Variants in GPR39 observed in about 807,000 individuals in gnomAD.
GPR39 encodes zinc sensing receptor.
GPR39 carries 23 observed loss-of-function variants against 18.4 expected under a neutral mutation model. The ratio of observed to expected loss-of-function variants is 1.25; its 90% CI spans 0.90 to 1.77. The LOEUF is 1.77. Ranked by LOEUF, GPR39 falls within the 40% of genes most tolerant of loss-of-function variation. The pLI, the probability that GPR39 is intolerant of heterozygous loss-of-function variation, is 0.00. For missense variants in GPR39, 647 were observed against 602.4 expected (o/e 1.07, Z -0.78); for synonymous variants, 280 against 257.9 (o/e 1.09, Z -0.82).
At chr2:132,492,933 T>A (rs999952303) in intron 1 of GPR39, among the ~76,000 whole-genome samples, 1 of 143,354 alleles carries the variant, frequency 7.0e-6, no homozygotes, top group African/African-American at 2.5e-5. Flanking sequence ...ATATACACCA[T>A]ATATACACAC....
At chr2:132,469,147 T>A (rs1485129345) in intron 1 of GPR39, among the ~76,000 whole-genome samples, 2 of 152,214 alleles carry the variant, frequency 1.3e-5, no homozygotes, top group African/African-American at 4.8e-5. Context: ...TTCCCTTGGG[T>A]GGAGCCTCCT....
At chr2:132,445,431 A>G (rs748551168) in intron 1 of GPR39, among the ~76,000 whole-genome samples, 3 of 152,190 alleles carry the variant, frequency 2.0e-5, no homozygotes, top group East Asian at 1.9e-4. Context: ...TATTTCCATG[A>G]TGCAAGCAAG....
At chr2:132,471,188 G>C (rs1325768272) in intron 1 of GPR39, among the ~76,000 whole-genome samples, 2 of 152,078 alleles carry the variant, frequency 1.3e-5, no homozygotes, top group East Asian at 3.9e-4. Flanking sequence ...AGCCTCACAA[G>C]AAAATATAGC....
At chr2:132,534,342 G>A (rs1363310461) in intron 1 of GPR39, among the ~76,000 whole-genome samples, 1 of 150,630 alleles carries the variant, frequency 6.6e-6, no homozygotes, top group African/African-American at 2.4e-5. Context: ...GGAAACAACA[G>A]GTGCTGGAGA....
chr2:132,526,101 A>C (rs1226483007), intron 1 of GPR39, among the ~76,000 whole-genome samples: 1 of 152,208 alleles, frequency 6.6e-6, no homozygotes, highest in Non-Finnish European at 1.5e-5. Flanking sequence ...GACCAACCTG[A>C]TATGAGGCTA....
At position 132,492,615 on chromosome 2, in the gene GPR39, T is replaced by C. The variant is rs1026232992; in HGVS notation, c.856+74717T>C. ...ATATATACCATATATACACACCATC[T>C]ATATATACAATATATATACACACCA... On this transcript the variant is annotated intron_variant, in intron 1 of 1. Transcript: ENST00000329321. 2.1e-4 allele frequency among the ~76,000 whole-genome samples: 21 copies of C among 100,622 alleles called. 1 individual carries two copies. Among genetic ancestry groups the C allele is most frequent in the African/African-American group, 6.5e-4 (21 of 32,436 alleles). 66.0% of individuals were successfully genotyped at this position (100,622 alleles called of 152,430 possible). A position where few individuals can be genotyped will look rare whatever the true frequency, so the allele number is the denominator to read the frequency against.
At position 132,579,514 on chromosome 2, in the gene GPR39, T is replaced by C. The variant is rs139199097; in HGVS notation, c.857-65587T>C. On this transcript the variant is annotated intron_variant, in intron 1 of 1. Coordinates refer to ENST00000329321, the MANE Select transcript of GPR39 (RefSeq NM_001508.3). ...TTCAGTTCTTTTACATTCTTGCTGA[T>C]GTTATGACTAGTTCTACTAATTGCT... Among the ~76,000 whole-genome samples the C allele has an allele frequency of 1.4e-3, 212 of 152,240 alleles. 5 individuals carry two copies. In the East Asian group the frequency reaches 0.038, roughly 27 times the overall value.
intron 1 of GPR39, among the ~76,000 whole-genome samples, chr2:132,636,428 G>A (rs1028117936): frequency 2.6e-5 from 4 of 152,158 alleles, no homozygotes; most frequent in Admixed American, 2.0e-4. Context: ...GAGACAGTGG[G>A]GAAGCAGGGT....
At chr2:132,421,769 C>T (rs1680013529) in intron 1 of GPR39, among the ~76,000 whole-genome samples, 1 of 152,088 alleles carries the variant, frequency 6.6e-6, no homozygotes, top group South Asian at 2.1e-4. Flanking sequence ...AGAATCACAT[C>T]CTCTGGGTTT....
intron 1 of GPR39, among the ~76,000 whole-genome samples, chr2:132,460,755 T>C (rs1048001714): frequency 3.3e-5 from 5 of 152,196 alleles, no homozygotes; most frequent in Non-Finnish European, 4.4e-5. Context: ...TTCCTGTTTC[T>C]GAAATTCTAG....
At chr2:132,499,603 A>G (rs1438557757) in intron 1 of GPR39, among the ~76,000 whole-genome samples, 1 of 152,030 alleles carries the variant, frequency 6.6e-6, no homozygotes, top group Non-Finnish European at 1.5e-5. Context: ...CTAGTTAAGA[A>G]TGATGGTGGT....
intron 1 of GPR39, among the ~76,000 whole-genome samples, chr2:132,543,326 C>T (rs1011262244): frequency 3.3e-5 from 5 of 152,142 alleles, no homozygotes; most frequent in Non-Finnish European, 5.9e-5. Context: ...GATTTACTTC[C>T]CTTACCGTGT....
At chr2:132,464,245 G>A (rs191982129) in intron 1 of GPR39, among the ~76,000 whole-genome samples, 124 of 152,302 alleles carry the variant, frequency 8.1e-4, no homozygotes, top group African/African-American at 2.8e-3. Flanking sequence ...ACTTCCCCTT[G>A]CTTGGGATCA....
At chr2:132,532,636 G>C (rs1207759306) in intron 1 of GPR39, among the ~76,000 whole-genome samples, 1 of 152,172 alleles carries the variant, frequency 6.6e-6, no homozygotes, top group East Asian at 1.9e-4. Flanking sequence ...ACGTCAAAAA[G>C]CTTATCCACC....
chr2:132,492,138 C>CACATAA, intron 1 of GPR39, among the ~76,000 whole-genome samples: 1 of 145,532 alleles, frequency 6.9e-6, no homozygotes, highest in African/African-American at 2.5e-5. Context: ...ATATACATAC[C>CACATAA]ATATATATAC....
chr2:132,574,645 G>A (rs1680499832), intron 1 of GPR39, among the ~76,000 whole-genome samples: 1 of 152,164 alleles, frequency 6.6e-6, no homozygotes, highest in African/African-American at 2.4e-5. Context: ...CAAGGCACGA[G>A]AATTGCTTTA....
chr2:132,522,703 G>A (rs2104768127), intron 1 of GPR39, among the ~76,000 whole-genome samples: 1 of 152,256 alleles, frequency 6.6e-6, no homozygotes, highest in South Asian at 2.1e-4. Flanking sequence ...CCCTTGCAGA[G>A]CACAGCCTTC....
intron 1 of GPR39, among the ~76,000 whole-genome samples, chr2:132,465,376 G>A (rs1391403990): frequency 6.6e-6 from 1 of 152,172 alleles, no homozygotes; most frequent in Non-Finnish European, 1.5e-5. Context: ...CTACAGTGGA[G>A]GGAAAGTTAG....
intron 1 of GPR39, among the ~76,000 whole-genome samples, chr2:132,601,257 A>G (rs1293050261): frequency 1.3e-5 from 2 of 152,190 alleles, no homozygotes; most frequent in African/African-American, 4.8e-5. Flanking sequence ...CAAAAAGATA[A>G]TACACCCTGA....
Sources: gnomAD v4.1 joint callset for allele counts (sites outside exome capture counted in the v4.1 genomes callset) on GRCh38, gnomAD v4.1.1 for gene constraint, MANE v1.5 for transcripts, NCBI Gene and HGNC (gene_info 2026-07-23, HGNC 2026-07-21) for gene names.